Variants in DPP10 observed in about 807,000 individuals in gnomAD.
DPP10 encodes inactive dipeptidyl peptidase 10.
Under a neutral mutation model 120.9 loss-of-function variants are expected in DPP10, and 33 were observed. The observed-to-expected ratio is 0.27, with a 90% CI of 0.21 to 0.37. The LOEUF (loss-of-function observed/expected upper bound fraction) is 0.37. Among genes scored for constraint, DPP10 ranks in the 10% least tolerant of loss-of-function variants. The pLI is 1.00. For missense variants in DPP10, 816 were observed against 942.8 expected (o/e 0.87, Z 1.76); for synonymous variants, 337 against 326.1 (o/e 1.03, Z -0.36).
At chr2:115,628,380 G>T (rs905944458) in intron 5 of DPP10, among the ~76,000 whole-genome samples, 2 of 151,924 alleles carry the variant, frequency 1.3e-5, no homozygotes, top group Admixed American at 1.3e-4. Context: ...TTTGTTTCTT[G>T]TAAATTAATT....
At chr2:115,681,584 T>C (rs1331752698) in intron 5 of DPP10, among the ~76,000 whole-genome samples, 1 of 151,802 alleles carries the variant, frequency 6.6e-6, no homozygotes, top group African/African-American at 2.4e-5. Context: ...AAAATTTCCA[T>C]ATATTTTTGT....
chr2:115,538,609 T>G (rs1041641967), intron 5 of DPP10, among the ~76,000 whole-genome samples: 3 of 151,994 alleles, frequency 2.0e-5, no homozygotes, highest in Non-Finnish European at 4.4e-5. Flanking sequence ...ATGCATTTTA[T>G]AAAAATCTGG....
At position 114,534,911 on chromosome 2, in the gene DPP10, C is replaced by G. The variant is rs542883055; in HGVS notation, c.60+92073C>G. ...ACTGGGATGCCCCCTTCTGGGGCCC[C>G]TTGAGGATTTGAGGATTCTGTGGTG... On this transcript the variant is annotated intron_variant, in intron 1 of 25. Transcript: ENST00000410059. Among the ~76,000 whole-genome samples, 17 of 152,228 alleles carry G rather than the reference C, an allele frequency of 1.1e-4. No individual in the cohort carries two copies. The South Asian group carries it at 3.5e-3, about 32-fold the overall frequency.
At chr2:115,087,814 A>C (rs946099576) in intron 1 of DPP10, among the ~76,000 whole-genome samples, 2 of 151,984 alleles carry the variant, frequency 1.3e-5, no homozygotes, top group African/African-American at 4.8e-5. Context: ...TCGGCCTCCC[A>C]AAGTGCTGGG....
intron 1 of DPP10, among the ~76,000 whole-genome samples, chr2:114,744,875 C>A (rs1001461415): frequency 6.6e-6 from 1 of 152,170 alleles, no homozygotes; most frequent in African/African-American, 2.4e-5. Flanking sequence ...GATTCTCCTG[C>A]CTCGGCCTCC....
At chr2:115,622,908 T>C (rs1326114293) in intron 5 of DPP10, among the ~76,000 whole-genome samples, 1 of 151,276 alleles carries the variant, frequency 6.6e-6, no homozygotes, top group Admixed American at 6.6e-5. Context: ...AGTGGCTCTA[T>C]CTCTGCTCAC....
intron 1 of DPP10, among the ~76,000 whole-genome samples, chr2:114,834,338 TATAA>T (rs1687434940): frequency 6.6e-6 from 1 of 151,608 alleles, no homozygotes; most frequent in Non-Finnish European, 1.5e-5. Flanking sequence ...CACCTATGTA[TATAA>T]AAGACATGTC....
intron 1 of DPP10, among the ~76,000 whole-genome samples, chr2:114,520,874 T>C (rs953056390): frequency 3.9e-5 from 6 of 152,036 alleles, no homozygotes; most frequent in African/African-American, 1.2e-4. Context: ...AATACTCAAA[T>C]AGAAAAAATG....
Position 115,433,789 on chromosome 2 carries a change from G to T in DPP10, c.272-65721G>T, listed in dbSNP as rs545755784. Among the ~76,000 whole-genome samples the T allele has an allele frequency of 5.3e-5, 8 of 152,012 alleles. No individual in the cohort carries two copies. The East Asian group carries it at 1.4e-3, about 26-fold the overall frequency. On this transcript the variant is annotated intron_variant, in intron 3 of 25. Transcript: ENST00000410059. ...TGAGACAACAGGGCTGATGTTTTCT[G>T]TAATGAAGTTAGCTAAATGAGCTTT...
chr2:115,561,647 A>G (rs1379730173), intron 5 of DPP10, among the ~76,000 whole-genome samples: 1 of 152,188 alleles, frequency 6.6e-6, no homozygotes, highest in Non-Finnish European at 1.5e-5. Context: ...AAAGTATTTC[A>G]AGTAATATAG....
chr2:114,597,819 CTA>C (rs1044777340), intron 1 of DPP10, among the ~76,000 whole-genome samples: 1 of 151,876 alleles, frequency 6.6e-6, no homozygotes, highest in African/African-American at 2.4e-5. Flanking sequence ...TGTCACTTGC[CTA>C]TATCCTAGTT....
chr2:115,327,293 T>C (rs1410115215), intron 2 of DPP10, among the ~76,000 whole-genome samples: 1 of 151,990 alleles, frequency 6.6e-6, no homozygotes, highest in African/African-American at 2.4e-5. Context: ...ACCATGAAGT[T>C]GCCTAATAGC....
At chr2:115,772,998 G>A (rs1460553283) in intron 13 of DPP10, among the ~76,000 whole-genome samples, 1 of 152,042 alleles carries the variant, frequency 6.6e-6, no homozygotes, top group African/African-American at 2.4e-5. Context: ...CACTTGGAAC[G>A]ATTTTAAGTG....
intron 1 of DPP10, among the ~76,000 whole-genome samples, chr2:114,696,741 G>A (rs1700089621): frequency 6.6e-6 from 1 of 151,724 alleles, no homozygotes; most frequent in Non-Finnish European, 1.5e-5. Flanking sequence ...GTGCGCGCGT[G>A]CCATAAAGCC....
intron 10 of DPP10, among the ~76,000 whole-genome samples, chr2:115,749,449 C>A (rs1007692137): frequency 2.6e-5 from 4 of 152,172 alleles, no homozygotes; most frequent in Non-Finnish European, 4.4e-5. Context: ...TCTCAACCTG[C>A]ATCACTGATT....
chr2:114,900,730 G>T (rs1574450794), intron 1 of DPP10, among the ~76,000 whole-genome samples: 1 of 151,928 alleles, frequency 6.6e-6, no homozygotes, highest in East Asian at 1.9e-4. Context: ...TTCTAGTATG[G>T]TTATTACCTT....
At chr2:115,322,399 G>A (rs2062104217) in intron 2 of DPP10, among the ~76,000 whole-genome samples, 1 of 152,182 alleles carries the variant, frequency 6.6e-6, no homozygotes, top group Non-Finnish European at 1.5e-5. Flanking sequence ...GGAGGCAAAT[G>A]TGGCTATGGT....
chr2:115,166,318 C>A (rs939814340), intron 1 of DPP10, among the ~76,000 whole-genome samples: 10 of 151,282 alleles, frequency 6.6e-5, no homozygotes, highest in African/African-American at 2.4e-4. Context: ...TAATAAAAAA[C>A]ATATTACTTC....
chr2:115,253,491 C>A (rs2058841624), intron 1 of DPP10, among the ~76,000 whole-genome samples: 1 of 152,072 alleles, frequency 6.6e-6, no homozygotes, highest in Non-Finnish European at 1.5e-5. Context: ...TCCCTTACAC[C>A]TATGAGCCTG....
Sources: gnomAD v4.1 joint callset for allele counts (sites outside exome capture counted in the v4.1 genomes callset) on GRCh38, gnomAD v4.1.1 for gene constraint, MANE v1.5 for transcripts, NCBI Gene and HGNC (gene_info 2026-07-23, HGNC 2026-07-21) for gene names.